Variants in PTPRN2 observed in about 807,000 individuals in gnomAD.
PTPRN2 encodes the protein receptor-type tyrosine-protein phosphatase N2.
Under a neutral mutation model 118.8 loss-of-function variants are expected in PTPRN2, and 74 were observed. That is an observed-to-expected ratio of 0.62 (90% CI 0.52 to 0.76). PTPRN2 has a LOEUF of 0.76. PTPRN2 is among the 30% of genes least tolerant of loss of function. PTPRN2 has a pLI of 0.00. For synonymous variants in PTPRN2, 641 were observed against 608.0 expected (o/e 1.05, Z -0.80); for missense variants, 1,481 against 1,394.4 (o/e 1.06, Z -0.99).
chr7:157,595,756 C>A (rs1023311289), intron 16 of PTPRN2, among the ~76,000 whole-genome samples: 6 of 152,172 alleles, frequency 3.9e-5, no homozygotes, highest in African/African-American at 1.4e-4. Context: ...CTGAACTGAG[C>A]AACACACAAC....
chr7:157,833,839 C>T (rs953638776), intron 12 of PTPRN2, among the ~76,000 whole-genome samples: 2 of 152,210 alleles, frequency 1.3e-5, no homozygotes, highest in African/African-American at 4.8e-5. Flanking sequence ...CCGCTCATTT[C>T]CATAAATCAG....
At chr7:157,888,239 C>A (rs1796599296) in intron 12 of PTPRN2, among the ~76,000 whole-genome samples, 2 of 152,044 alleles carry the variant, frequency 1.3e-5, no homozygotes, top group South Asian at 4.1e-4. Flanking sequence ...AGGCTTCTAT[C>A]CTTGGTGTGA....
At chr7:158,090,499 T>C (rs1266417428) in intron 10 of PTPRN2, among the ~76,000 whole-genome samples, 1 of 152,238 alleles carries the variant, frequency 6.6e-6, no homozygotes, top group African/African-American at 2.4e-5. Context: ...TTAAATATCA[T>C]TCCATTTATT....
At chr7:158,405,587 C>A (rs1813343872) in intron 2 of PTPRN2, among the ~76,000 whole-genome samples, 1 of 152,258 alleles carries the variant, frequency 6.6e-6, no homozygotes, top group East Asian at 1.9e-4. Flanking sequence ...CACTTTACTG[C>A]AGCAAGAGAC....
chr7:158,521,796 CA>C (rs1824100369), intron 1 of PTPRN2, among the ~76,000 whole-genome samples: 4 of 61,776 alleles, frequency 6.5e-5, no homozygotes, highest in Admixed American at 1.5e-4. Context: ...GTGGACTGTC[CA>C]GGTGCTGGCT....
chr7:158,044,325 A>C (rs1004354731), intron 11 of PTPRN2, among the ~76,000 whole-genome samples: 1 of 152,180 alleles, frequency 6.6e-6, no homozygotes, highest in Non-Finnish European at 1.5e-5. Flanking sequence ...GCCCTGAGGC[A>C]GGGGTGGGGG....
At chr7:158,048,726 C>T (rs922394967) in intron 11 of PTPRN2, among the ~76,000 whole-genome samples, 1 of 152,104 alleles carries the variant, frequency 6.6e-6, no homozygotes, top group African/African-American at 2.4e-5. Context: ...ATCATATCAC[C>T]ACCATCACCA....
chr7:158,057,699 A>G (rs1201441519), intron 11 of PTPRN2, among the ~76,000 whole-genome samples: 1 of 152,020 alleles, frequency 6.6e-6, no homozygotes. Flanking sequence ...ACCACAGCAA[A>G]GTCTCCAAGA....
At chr7:157,943,399 G>C (rs1800268415) in intron 11 of PTPRN2, among the ~76,000 whole-genome samples, 1 of 152,042 alleles carries the variant, frequency 6.6e-6, no homozygotes, top group Non-Finnish European at 1.5e-5. Flanking sequence ...TTTAAATTCA[G>C]TGACAGCCAA....
intron 2 of PTPRN2, among the ~76,000 whole-genome samples, chr7:158,452,387 T>C (rs1818145435): frequency 6.6e-6 from 1 of 152,190 alleles, no homozygotes; most frequent in African/African-American, 2.4e-5. Context: ...AAGCACTGTC[T>C]CCCCTGCCCA....
intron 12 of PTPRN2, among the ~76,000 whole-genome samples, chr7:157,877,086 G>C (rs6976276): frequency 0.28 from 38,210 of 136,084 alleles, 5,424 homozygotes; most frequent in African/African-American, 0.41. Context: ...GACCCCGGGT[G>C]CAAGTGCCAT....
intron 7 of PTPRN2, among the ~76,000 whole-genome samples, chr7:158,137,699 A>G (rs1253496131): frequency 6.6e-6 from 1 of 152,050 alleles, no homozygotes; most frequent in Non-Finnish European, 1.5e-5. Context: ...CCGTGCAGAG[A>G]GAGGGGCACG....
intron 1 of PTPRN2, among the ~76,000 whole-genome samples, chr7:158,549,804 G>T (rs1190937598): frequency 6.6e-6 from 1 of 152,248 alleles, no homozygotes; most frequent in Non-Finnish European, 1.5e-5. Flanking sequence ...CCAGAGGGCT[G>T]GCAACTGGCC....
intron 6 of PTPRN2, among the ~76,000 whole-genome samples, chr7:158,151,702 C>T (rs1391328426): frequency 9.2e-5 from 14 of 152,122 alleles, no homozygotes; most frequent in Non-Finnish European, 1.9e-4. Context: ...TCCTTCTCCC[C>T]AATCTTCCTC....
chr7:157,591,261 C>G lies in PTPRN2; in HGVS notation c.2496+3977G>C, dbSNP rs952969051. On this transcript the variant is annotated intron_variant, in intron 17 of 22. Coordinates refer to ENST00000389418, the MANE Select transcript of PTPRN2 (RefSeq NM_002847.5). This position sits in a 1 kb window ranked among gnomAD's most constrained non-coding sequence, Gnocchi z 4.4. ...ACGGCCTTTCTCACGCTCACACTTTCTTCCTGGAATTTGCTGATTACCGAC... is the reference window on the plus strand; with the variant it reads ...ACGGCCTTTCTCACGCTCACACTTTGTTCCTGGAATTTGCTGATTACCGAC... 2.6e-5 allele frequency among the ~76,000 whole-genome samples: 4 copies of G among 152,196 alleles called. No homozygotes were observed. The highest frequency in any genetic ancestry group is 4.4e-5 in the Non-Finnish European group (3 of 68,026).
intron 9 of PTPRN2, among the ~76,000 whole-genome samples, chr7:158,116,353 T>A (rs891334583): frequency 2.0e-5 from 3 of 152,208 alleles, no homozygotes; most frequent in African/African-American, 4.8e-5. Context: ...GCTAGTAGGA[T>A]CTGTCTGATG....
At chr7:158,523,551 C>A (rs71547548) in intron 1 of PTPRN2, among the ~76,000 whole-genome samples, 149 of 39,754 alleles carry the variant, frequency 3.7e-3, no homozygotes, top group Middle Eastern at 0.021. Context: ...GAATGGAGTC[C>A]TCTGCCCTGG....
chr7:157,687,533 A>G (rs1244867232), intron 12 of PTPRN2, among the ~76,000 whole-genome samples: 2 of 152,196 alleles, frequency 1.3e-5, no homozygotes, highest in Non-Finnish European at 2.9e-5. Context: ...TTTCTAAGGA[A>G]TCAGATTTCA....
In PTPRN2 at chr7:158,142,201, G is replaced by A. The variant is rs115317107; in HGVS notation, c.911-3686C>T. 9.5e-3 allele frequency among the ~76,000 whole-genome samples: 1,449 copies of A among 152,296 alleles called. 25 individuals are homozygous for A. The highest frequency in any genetic ancestry group is 0.033 in the African/African-American group (1,360 of 41,544). ...TTTCCACATGCAAACCCTGCGATCC[G>A]GAGCCCACGCCCGCCTCCGCCTCTG... On this transcript the variant is annotated intron_variant, in intron 6 of 22. Transcript: ENST00000389418.
Sources: gnomAD v4.1 joint callset for allele counts (sites outside exome capture counted in the v4.1 genomes callset) on GRCh38, gnomAD v4.1.1 for gene constraint, Gnocchi (gnomAD v3.1) non-coding constraint, MANE v1.5 for transcripts, NCBI Gene and HGNC (gene_info 2026-07-23, HGNC 2026-07-21) for gene names.